TEX2: variants seen among roughly 807,000 people sequenced by gnomAD.
TEX2 encodes testis-expressed protein 2.
TEX2 carries 53 observed loss-of-function variants against 106.9 expected under a neutral mutation model. The ratio of observed to expected loss-of-function variants is 0.50; its 90% confidence interval spans 0.40 to 0.62. The LOEUF (loss-of-function observed/expected upper bound fraction) is 0.62. TEX2 is among the 20% of genes least tolerant of loss of function. The pLI is 0.00. For missense variants in TEX2, 1,207 were observed against 1,379.0 expected (o/e 0.88, Z 1.98); for synonymous variants, 523 against 534.8 (o/e 0.98, Z 0.30).
At chr17:64,154,139 G>A (rs1326623319) in intron 9 of TEX2, among the ~76,000 whole-genome samples, 4 of 151,168 alleles carry the variant, frequency 2.6e-5, no homozygotes, top group African/African-American at 4.9e-5. Context: ...CAGCTAGACT[G>A]TAAATAATAC....
chr17:64,223,699 C>T (rs548941089), intron 1 of TEX2, among the ~76,000 whole-genome samples: 4 of 145,164 alleles, frequency 2.8e-5, no homozygotes, highest in East Asian at 2.1e-4. Flanking sequence ...ACAGTGAGCA[C>T]GGTAACAGAG....
intron 7 of TEX2, among the ~76,000 whole-genome samples, chr17:64,170,263 G>A (rs1018061371): frequency 3.9e-5 from 6 of 152,174 alleles, no homozygotes; most frequent in South Asian, 2.1e-4. Flanking sequence ...TATACTGTAC[G>A]TCTTCATTTC....
In TEX2 at chr17:64,214,206, C is replaced by A; in HGVS notation, c.12G>T (p.Leu4=). 1.2e-6 allele frequency: 2 copies of A among 1,611,492 alleles called. No individual in the cohort carries two copies. The highest frequency in any genetic ancestry group is 1.3e-5 in the African/African-American group (1 of 75,026). The change falls in exon 2 of 12, where the codon CTG becomes CTT. Residue 4 remains leucine, a synonymous_variant. Coordinates refer to ENST00000584379, the MANE Select transcript of TEX2 (RefSeq NM_001288732.2). ...TGGTTTTCTCGGCATGGCGACCATA[C>A]AGACTTGTCATTGCCGGCTTCACAA... MTS[L]YGRHAEKTTD... is the part of the protein sequence containing the mutation.
intron 1 of TEX2, among the ~76,000 whole-genome samples, chr17:64,253,329 CT>C (rs2034126595): frequency 7.0e-6 from 1 of 142,304 alleles, no homozygotes; most frequent in Admixed American, 7.0e-5. Context: ...TTCTTTCTTT[CT>C]TTCTTTTTTT....
At chr17:64,171,566 G>T (rs1215864733) in intron 6 of TEX2, among the ~76,000 whole-genome samples, 1 of 152,092 alleles carries the variant, frequency 6.6e-6, no homozygotes, top group Non-Finnish European at 1.5e-5. Context: ...CCTGAGGAGT[G>T]GCATTTGAGC....
Position 64,205,323 on chromosome 17 carries a change from TACAA to T in TEX2, c.1644+7247_1644+7250del, listed in dbSNP as rs1400552974. Among the ~76,000 whole-genome samples the T allele has an allele frequency of 5.9e-5, 9 of 151,918 alleles. No individual in the cohort carries two copies. Among genetic ancestry groups the T allele is most frequent in the African/African-American group, 9.7e-5 (4 of 41,352 alleles). ...CAGAGCGAGGCAAAACAAACAAACATACAAACAAACAAACATCTCACCTGAAAAC... is the reference window on the plus strand; with the variant it reads ...CAGAGCGAGGCAAAACAAACAAACATACAAACAAACATCTCACCTGAAAAC... On this transcript the variant is annotated intron_variant, in intron 2 of 11. Transcript: ENST00000584379. The surrounding 1 kb of genome is among the most constrained non-coding windows in gnomAD (Gnocchi z 4.0).
At chr17:64,222,056 CA>C (rs1434404160) in intron 1 of TEX2, among the ~76,000 whole-genome samples, 1 of 152,018 alleles carries the variant, frequency 6.6e-6, no homozygotes, top group East Asian at 1.9e-4. Context: ...TACAGAATTT[CA>C]GTTTTATAAG....
intron 7 of TEX2, among the ~76,000 whole-genome samples, chr17:64,167,177 A>C (rs2031176655): frequency 6.6e-6 from 1 of 152,232 alleles, no homozygotes; most frequent in Non-Finnish European, 1.5e-5. Flanking sequence ...GTGTTGGAAC[A>C]GGGACAAGCC....
intron 1 of TEX2, among the ~76,000 whole-genome samples, chr17:64,215,543 A>C (rs782777587): frequency 6.6e-6 from 1 of 152,212 alleles, no homozygotes; most frequent in Non-Finnish European, 1.5e-5. Flanking sequence ...CAGTGGAAAG[A>C]GCACCCAGCT....
At position 64,174,899 on chromosome 17, in the gene TEX2, C is replaced by T. The variant is rs77092607; in HGVS notation, c.2571+2426G>A. Among the ~76,000 whole-genome samples, 338 of 152,326 alleles carry T rather than the reference C, an allele frequency of 2.2e-3. 2 individuals are homozygous for T. The highest frequency in any genetic ancestry group is 7.7e-3 in the African/African-American group (322 of 41,580). On this transcript the variant is annotated intron_variant, in intron 6 of 11. Transcript: ENST00000584379. Reference sequence around the variant, plus strand: ...CACACACAGGGCTGCTTTTTCACAACATGAGTCATGATCATGTGCAAGGCT... The same window carrying T: ...CACACACAGGGCTGCTTTTTCACAATATGAGTCATGATCATGTGCAAGGCT...
rs116442695 is a variant in TEX2 at position 64,180,705 on chromosome 17, A to G, written c.2425-3234T>C. Reference sequence around the variant, plus strand: ...CACACTAAGAAATGGTAACTTTCCAAAAATGGCTTCCAAATAAGTGTAGAG... The same window carrying G: ...CACACTAAGAAATGGTAACTTTCCAGAAATGGCTTCCAAATAAGTGTAGAG... On this transcript the variant is annotated intron_variant, in intron 5 of 11. Coordinates refer to ENST00000584379, the MANE Select transcript of TEX2 (RefSeq NM_001288732.2). Among the ~76,000 whole-genome samples, 270 of 152,386 alleles carry G rather than the reference A, an allele frequency of 1.8e-3. 1 individual carries two copies. The highest frequency in any genetic ancestry group is 6.3e-3 in the African/African-American group (260 of 41,590).
chr17:64,182,321 G>A (rs955381740), intron 5 of TEX2, among the ~76,000 whole-genome samples: 2 of 152,154 alleles, frequency 1.3e-5, no homozygotes, highest in African/African-American at 2.4e-5. Flanking sequence ...GGGCTGGGAG[G>A]AGGGGGACAG....
chr17:64,194,904 T>C lies in TEX2; in HGVS notation c.1836A>G (p.Ser612=). The C allele has an allele frequency of 6.2e-7, 1 of 1,614,160 alleles. No individual in the cohort carries two copies. Among genetic ancestry groups the C allele is most frequent in the Non-Finnish European group, 8.5e-7 (1 of 1,179,966 alleles). ...AATTGCTCAGGCTCACCTTGCTGTCTGAGAGGTCATAGATTTTCTGGCTGA... is the reference window on the plus strand; with the variant it reads ...AATTGCTCAGGCTCACCTTGCTGTCCGAGAGGTCATAGATTTTCTGGCTGA... ...TYISQKIYDL[S]DSKIYLVPKT... The change falls in exon 3 of 12, where the codon TCA becomes TCG. Residue 612 remains serine, a synonymous_variant. Coordinates refer to ENST00000584379, the MANE Select transcript of TEX2 (RefSeq NM_001288732.2).
intron 1 of TEX2, among the ~76,000 whole-genome samples, chr17:64,215,952 G>C (rs1205214398): frequency 2.6e-5 from 4 of 152,204 alleles, no homozygotes; most frequent in African/African-American, 7.2e-5. Flanking sequence ...AATATTCCAA[G>C]GATGACAAGA....
intron 2 of TEX2, among the ~76,000 whole-genome samples, chr17:64,197,334 T>C (rs1313656521): frequency 6.6e-6 from 1 of 152,176 alleles, no homozygotes; most frequent in Non-Finnish European, 1.5e-5. Context: ...CTATTTCTTC[T>C]TGAGTAAGCT....
chr17:64,239,233 G>A (rs2143387089), intron 1 of TEX2: 1 of 152,280 alleles, frequency 6.6e-6, no homozygotes, highest in East Asian at 1.9e-4. Context: ...CAAATAATGG[G>A]ATGTTTATTT....
chr17:64,178,521 G>A (rs1463073442), intron 5 of TEX2, among the ~76,000 whole-genome samples: 1 of 152,052 alleles, frequency 6.6e-6, no homozygotes, highest in African/African-American at 2.4e-5. Flanking sequence ...ACACAGTCCT[G>A]TTCTCCCATC....
chr17:64,211,944 T>C (rs545553744), intron 2 of TEX2, among the ~76,000 whole-genome samples: 8 of 152,334 alleles, frequency 5.3e-5, no homozygotes, highest in Non-Finnish European at 5.9e-5. Context: ...CCCAGAAGTT[T>C]GAGACCACAC....
intron 7 of TEX2, 135 bp from the exon 8 acceptor site, chr17:64,161,068 G>T: frequency 1.1e-6 from 1 of 900,936 alleles, no homozygotes; most frequent in Non-Finnish European, 1.7e-6. Flanking sequence ...TAGTTGAGAA[G>T]AGGACTGAGA....
Sources: gnomAD v4.1 joint callset for allele counts (sites outside exome capture counted in the v4.1 genomes callset) on GRCh38, gnomAD v4.1.1 for gene constraint, Gnocchi (gnomAD v3.1) non-coding constraint, MANE v1.5 for transcripts, NCBI Gene and HGNC (gene_info 2026-07-23, HGNC 2026-07-21) for gene names.